TENM3: variants seen among roughly 807,000 people sequenced by gnomAD.
The protein encoded by TENM3 is teneurin-3.
TENM3 carries 63 observed loss-of-function variants against 255.1 expected under a neutral mutation model. That is an observed-to-expected ratio of 0.25 (90% CI 0.20 to 0.30). The LOEUF (loss-of-function observed/expected upper bound fraction) is 0.30. TENM3 is among the 10% of genes least tolerant of loss of function. The pLI is 1.00. For missense variants in TENM3, 2,929 were observed against 3,461.1 expected (o/e 0.85, Z 3.86); for synonymous variants, 1,306 against 1,322.3 (o/e 0.99, Z 0.27).
chr4:182,755,577 G>A (rs1266898012), intron 22 of TENM3, among the ~76,000 whole-genome samples: 5 of 152,184 alleles, frequency 3.3e-5, no homozygotes, highest in East Asian at 1.9e-4. Context: ...AGTGGCTCAC[G>A]CCTGTAATCC....
At chr4:182,259,622 A>T (rs1035366873) in intron 1 of TENM3, among the ~76,000 whole-genome samples, 4 of 151,774 alleles carry the variant, frequency 2.6e-5, no homozygotes, top group African/African-American at 7.3e-5. Context: ...ATTTTTTAAC[A>T]TTTTTTTTAT....
chr4:182,335,322 CG>C (rs1160180148), intron 2 of TENM3, among the ~76,000 whole-genome samples: 3 of 116,354 alleles, frequency 2.6e-5, no homozygotes, highest in Admixed American at 8.9e-5. Flanking sequence ...GGTGAAACCC[CG>C]TCTCTACTAA....
chr4:182,603,956 A>G (rs1488108952), intron 4 of TENM3, among the ~76,000 whole-genome samples: 1 of 152,050 alleles, frequency 6.6e-6, no homozygotes, highest in Non-Finnish European at 1.5e-5. Context: ...TGGTTACAAA[A>G]TGGCATGTAA....
the TENM3 span, among the ~76,000 whole-genome samples, chr4:181,639,688 C>A: frequency 6.6e-6 from 1 of 152,094 alleles, no homozygotes; most frequent in Non-Finnish European, 1.5e-5. Context: ...TGCAGTGGGC[C>A]GAGATCACGC....
At chr4:182,299,665 G>T (rs1761727056) in intron 1 of TENM3, among the ~76,000 whole-genome samples, 2 of 152,008 alleles carry the variant, frequency 1.3e-5, no homozygotes, top group Non-Finnish European at 2.9e-5. Context: ...TTTACTTCCA[G>T]AAAGTCAAGG....
chr4:181,655,339 A>C, the TENM3 span, among the ~76,000 whole-genome samples: 1 of 152,220 alleles, frequency 6.6e-6, no homozygotes, highest in Non-Finnish European at 1.5e-5. Context: ...CATGAATTGC[A>C]GGAGAGAAAA....
rs185998926 is a variant in TENM3 at position 182,509,757 on chromosome 4, G to A, written c.512-91167G>A. 2.1e-3 allele frequency among the ~76,000 whole-genome samples: 314 copies of A among 152,108 alleles called. 2 individuals carry two copies. The highest frequency in any genetic ancestry group is 7.1e-3 in the African/African-American group (293 of 41,516). ...GTTCAAGACCAGCCTGACCAACATA[G>A]AGAAACCCCATCTCTACTAAAAATA... On this transcript the variant is annotated intron_variant, in intron 3 of 27. Coordinates refer to ENST00000511685, the MANE Select transcript of TENM3 (RefSeq NM_001080477.4).
At chr4:182,408,546 A>G (rs1009674686) in intron 3 of TENM3, among the ~76,000 whole-genome samples, 45 of 152,182 alleles carry the variant, frequency 3.0e-4, no homozygotes, top group African/African-American at 1.0e-3. Flanking sequence ...TTGACATGAG[A>G]GCATGGTAAA....
intron 18 of TENM3, among the ~76,000 whole-genome samples, chr4:182,740,978 A>G (rs2152731377): frequency 6.6e-6 from 1 of 152,250 alleles, no homozygotes; most frequent in East Asian, 1.9e-4. Context: ...GGAGTTCCAG[A>G]CCAGCCTGGC....
At chr4:182,560,878 A>C (rs549892494) in intron 3 of TENM3, among the ~76,000 whole-genome samples, 51 of 152,316 alleles carry the variant, frequency 3.3e-4, no homozygotes, top group Non-Finnish European at 5.4e-4. Flanking sequence ...AGAGAAGACA[A>C]ATGTTTTAGA....
At chr4:181,581,135 CAGTG>C in the TENM3 span, among the ~76,000 whole-genome samples, 1 of 151,936 alleles carries the variant, frequency 6.6e-6, no homozygotes, top group African/African-American at 2.4e-5. Flanking sequence ...AAGGAGCTAT[CAGTG>C]AGGGGAAAAA....
chr4:181,899,934 C>A, the TENM3 span, among the ~76,000 whole-genome samples: 1 of 152,060 alleles, frequency 6.6e-6, no homozygotes, highest in Non-Finnish European at 1.5e-5. Flanking sequence ...TTCCCACTGA[C>A]CTTTTTTCTT....
At chr4:181,783,392 C>T in the TENM3 span, among the ~76,000 whole-genome samples, 1 of 152,104 alleles carries the variant, frequency 6.6e-6, no homozygotes, top group African/African-American at 2.4e-5. Context: ...CTTCTGTACT[C>T]TGCCAATTCT....
intron 3 of TENM3, among the ~76,000 whole-genome samples, chr4:182,492,172 C>T (rs1233460321): frequency 6.6e-6 from 1 of 152,116 alleles, no homozygotes; most frequent in African/African-American, 2.4e-5. Flanking sequence ...TTCCTAGTGG[C>T]ACTATACATT....
intron 3 of TENM3, among the ~76,000 whole-genome samples, chr4:182,433,575 G>T (rs564658077): frequency 6.6e-6 from 1 of 152,310 alleles, no homozygotes; most frequent in East Asian, 1.9e-4. Context: ...GTAGGGGCAT[G>T]ACTGAGAAAA....
chr4:181,739,540 C>T, the TENM3 span, among the ~76,000 whole-genome samples: 1 of 152,172 alleles, frequency 6.6e-6, no homozygotes, highest in Non-Finnish European at 1.5e-5. Flanking sequence ...TGAGAGCCTG[C>T]AAGTCCCACC....
At chr4:182,233,171 C>T (rs1354735475) in intron 1 of TENM3, among the ~76,000 whole-genome samples, 1 of 152,162 alleles carries the variant, frequency 6.6e-6, no homozygotes, top group Non-Finnish European at 1.5e-5. Context: ...CTCAGCCAAA[C>T]AGGAGCCGGA....
chr4:182,341,926 C>T (rs1013419330), intron 2 of TENM3, among the ~76,000 whole-genome samples: 13 of 152,078 alleles, frequency 8.5e-5, no homozygotes, highest in Non-Finnish European at 1.8e-4. Flanking sequence ...TATTTTAAGC[C>T]CTCATTGCGA....
chr4:182,405,867 G>T (rs1769534368), intron 3 of TENM3, among the ~76,000 whole-genome samples: 1 of 152,180 alleles, frequency 6.6e-6, no homozygotes, highest in Non-Finnish European at 1.5e-5. Flanking sequence ...GGGTATGGAG[G>T]AATAAAGGAG....
Sources: allele counts gnomAD v4.1 joint callset (sites outside exome capture counted in the v4.1 genomes callset), GRCh38; gene constraint gnomAD v4.1.1; transcripts MANE v1.5; gene names NCBI Gene and HGNC (gene_info 2026-07-23, HGNC 2026-07-21).